Variants in FER observed in about 807,000 individuals in gnomAD.
The protein encoded by FER is FER tyrosine kinase.
Under a neutral mutation model 111.0 loss-of-function variants are expected in FER, and 63 were observed. The observed-to-expected ratio is 0.57, with a 90% CI of 0.46 to 0.70. FER has a LOEUF of 0.70. FER is among the 30% of genes least tolerant of loss of function. The pLI is 0.00. For synonymous variants in FER, 327 were observed against 313.9 expected, an observed-to-expected ratio of 1.04 and a Z score of -0.44; for missense variants, 914 against 954.0, an observed-to-expected ratio of 0.96 and a Z score of 0.55.
chr5:108,801,712 C>A (rs1186544058), intron 3 of FER, among the ~76,000 whole-genome samples: 4 of 152,140 alleles, frequency 2.6e-5, no homozygotes, highest in Admixed American at 2.6e-4. Flanking sequence ...TACTGTAGCT[C>A]TTAGCAAACT....
chr5:108,882,234 C>T (rs1252396245), intron 8 of FER, among the ~76,000 whole-genome samples: 1 of 151,642 alleles, frequency 6.6e-6, no homozygotes, highest in Non-Finnish European at 1.5e-5. Flanking sequence ...TCCAAGATGA[C>T]CCCTGAAAAA....
chr5:109,112,745 T>C (rs1749775971), intron 17 of FER, among the ~76,000 whole-genome samples: 1 of 152,178 alleles, frequency 6.6e-6, no homozygotes, highest in African/African-American at 2.4e-5. Flanking sequence ...ATCACTGTTT[T>C]AGAGTTTATT....
chr5:108,893,228 G>A (rs1748456912), intron 9 of FER, among the ~76,000 whole-genome samples: 1 of 151,902 alleles, frequency 6.6e-6, no homozygotes, highest in Non-Finnish European at 1.5e-5. Flanking sequence ...GCTTGATGGG[G>A]ATGGCATTGA....
intron 17 of FER, among the ~76,000 whole-genome samples, chr5:109,126,619 A>G (rs1751764666): frequency 6.6e-6 from 1 of 152,198 alleles, no homozygotes; most frequent in Non-Finnish European, 1.5e-5. Context: ...GAATAGAGAC[A>G]AGCCTTCTCA....
intron 1 of FER, among the ~76,000 whole-genome samples, chr5:108,756,899 G>A (rs1159268128): frequency 6.6e-6 from 1 of 152,074 alleles, no homozygotes; most frequent in Non-Finnish European, 1.5e-5. Context: ...AAATTACATG[G>A]CTTCAGATAT....
chr5:108,985,799 G>C (rs1762505045), intron 13 of FER, among the ~76,000 whole-genome samples: 1 of 151,998 alleles, frequency 6.6e-6, no homozygotes, highest in African/African-American at 2.4e-5. Flanking sequence ...AGTGTTATAT[G>C]GTATATATAC....
At chr5:108,916,962 A>G (rs957374747) in intron 10 of FER, among the ~76,000 whole-genome samples, 9 of 152,114 alleles carry the variant, frequency 5.9e-5, no homozygotes, top group African/African-American at 2.2e-4. Flanking sequence ...AGGATTCTAT[A>G]TTTTGATCAG....
At chr5:108,852,832 T>A (rs1474289869) in intron 5 of FER, among the ~76,000 whole-genome samples, 1 of 152,188 alleles carries the variant, frequency 6.6e-6, no homozygotes, top group Non-Finnish European at 1.5e-5. Flanking sequence ...TAGCTTTAAT[T>A]TGCATTGGTT....
At chr5:108,759,788 T>TGGTTTA (rs1315498756) in intron 1 of FER, among the ~76,000 whole-genome samples, 1 of 152,228 alleles carries the variant, frequency 6.6e-6, no homozygotes. Context: ...TCCACCATCA[T>TGGTTTA]GGTTTAGGTT....
intron 12 of FER, among the ~76,000 whole-genome samples, chr5:108,957,325 A>C (rs769689941): frequency 6.6e-6 from 1 of 151,644 alleles, no homozygotes; most frequent in Non-Finnish European, 1.5e-5. Context: ...AAAGTTGTAC[A>C]AATGGCCAGT....
intron 17 of FER, among the ~76,000 whole-genome samples, chr5:109,111,265 C>T (rs1458665179): frequency 2.0e-5 from 3 of 151,936 alleles, no homozygotes; most frequent in Non-Finnish European, 2.9e-5. Flanking sequence ...AGTGAATAAC[C>T]GTGTTGTTGC....
intron 17 of FER, among the ~76,000 whole-genome samples, chr5:109,120,481 C>T (rs912254049): frequency 1.3e-5 from 2 of 151,930 alleles, no homozygotes; most frequent in African/African-American, 4.8e-5. Context: ...TTGCCAGTAC[C>T]ATTCTGTTTT....
intron 17 of FER, among the ~76,000 whole-genome samples, 187 bp downstream of exon 17, chr5:109,100,706 C>CT (rs1748118725): frequency 3.3e-5 from 5 of 151,878 alleles, no homozygotes; most frequent in South Asian, 2.1e-4. Context: ...TTTCCTCTTA[C>CT]TTGAAGTGAG....
At chr5:108,823,270 A>G (rs115116845) in intron 3 of FER, among the ~76,000 whole-genome samples, 2,493 of 152,286 alleles carry the variant, frequency 0.016, 25 homozygotes, top group Non-Finnish European at 0.028. Context: ...TTTTTGTTGT[A>G]TTGATTTTGT....
At chr5:108,929,801 TA>T (rs1298084123) in intron 10 of FER, among the ~76,000 whole-genome samples, 1 of 152,062 alleles carries the variant, frequency 6.6e-6, no homozygotes, top group East Asian at 1.9e-4. Context: ...AAAATACAGA[TA>T]GAAGTAATTA....
intron 13 of FER, among the ~76,000 whole-genome samples, chr5:108,999,748 T>A (rs1287939479): frequency 1.3e-5 from 2 of 151,940 alleles, no homozygotes; most frequent in African/African-American, 4.8e-5. Flanking sequence ...GTTTCAATTA[T>A]GTTACTAGAT....
At chr5:108,789,174 A>G (rs900251517) in intron 2 of FER, among the ~76,000 whole-genome samples, 1 of 152,226 alleles carries the variant, frequency 6.6e-6, no homozygotes, top group Admixed American at 6.5e-5. Flanking sequence ...CCAACAAATT[A>G]ATCTTTTTAA....
chr5:108,952,370 G>A (rs1253559362), intron 11 of FER, among the ~76,000 whole-genome samples: 1 of 138,406 alleles, frequency 7.2e-6, no homozygotes, highest in African/African-American at 2.5e-5. Context: ...GGATTTCATT[G>A]AAATCATATT....
intron 1 of FER, among the ~76,000 whole-genome samples, chr5:108,767,413 A>G (rs1752440188): frequency 6.6e-6 from 1 of 152,192 alleles, no homozygotes; most frequent in African/African-American, 2.4e-5. Flanking sequence ...AGTTTTTCTT[A>G]TGTACTTAAT....
Sources: allele counts gnomAD v4.1 joint callset (sites outside exome capture counted in the v4.1 genomes callset), GRCh38; gene constraint gnomAD v4.1.1; transcripts MANE v1.5; gene names NCBI Gene and HGNC (gene_info 2026-07-23, HGNC 2026-07-21).